Variants in PDE8A observed in about 807,000 individuals in gnomAD.
The protein encoded by PDE8A is high affinity cAMP-specific and IBMX-insensitive 3',5'-cyclic phosphodiesterase 8A.
PDE8A carries 59 observed loss-of-function variants against 105.0 expected under a neutral mutation model. The observed-to-expected ratio is 0.56, with a 90% confidence interval of 0.46 to 0.70. The LOEUF (loss-of-function observed/expected upper bound fraction) is 0.70, where lower values mean the gene tolerates loss of function less well. Ranked by LOEUF, PDE8A falls within the 30% of genes least tolerant of loss-of-function variation. The pLI is 0.00. For synonymous variants in PDE8A, 355 were observed against 371.9 expected (o/e 0.95, Z 0.52); for missense variants, 1,014 against 1,045.9 (o/e 0.97, Z 0.42).
chr15:85,050,208 A>T (rs970097900), intron 1 of PDE8A, among the ~76,000 whole-genome samples: 2 of 152,100 alleles, frequency 1.3e-5, no homozygotes, highest in African/African-American at 4.8e-5. Flanking sequence ...TATATTGTAG[A>T]TATTACTCTC....
intron 1 of PDE8A, among the ~76,000 whole-genome samples, chr15:85,056,546 C>G (rs2081062812): frequency 6.6e-6 from 1 of 152,142 alleles, no homozygotes; most frequent in Non-Finnish European, 1.5e-5. Flanking sequence ...CTTCTCACTT[C>G]ATTTCATTCA....
At chr15:85,054,008 T>C (rs971822299) in intron 1 of PDE8A, among the ~76,000 whole-genome samples, 20 of 95,236 alleles carry the variant, frequency 2.1e-4, no homozygotes, top group African/African-American at 5.8e-4. Context: ...ACCTAGTTTA[T>C]CGAGAGTTTT....
At chr15:85,078,157 AAAAG>A (rs1394059641) in intron 5 of PDE8A, among the ~76,000 whole-genome samples, 1 of 152,002 alleles carries the variant, frequency 6.6e-6, no homozygotes, top group Non-Finnish European at 1.5e-5. Flanking sequence ...AAAAAAAAAA[AAAAG>A]AAAAGGACTT....
At position 85,122,168 on chromosome 15, in the gene PDE8A, G is replaced by T. The variant is rs560366423; in HGVS notation, c.1953-893G>T. On this transcript the variant is annotated intron_variant, in intron 18 of 21. Transcript: ENST00000394553. ...TAATTATTCAATCCCAGATTTCTTC[G>T]TAGCACGTATCACATTTCTTATTTA... 3.3e-5 allele frequency among the ~76,000 whole-genome samples: 5 copies of T among 151,972 alleles called. No individual in the cohort carries two copies. In the South Asian group the frequency reaches 1.0e-3, roughly 32 times the overall value.
intron 1 of PDE8A, among the ~76,000 whole-genome samples, chr15:84,997,618 G>C (rs1213688398): frequency 2.0e-5 from 3 of 151,800 alleles, no homozygotes; most frequent in Admixed American, 1.3e-4. Context: ...TTGAGACAGA[G>C]TTTTGCTCTC....
chr15:85,101,828 C>G (rs1036090906), intron 11 of PDE8A, among the ~76,000 whole-genome samples: 86 of 152,054 alleles, frequency 5.7e-4, no homozygotes, highest in African/African-American at 2.0e-3. Context: ...TGTTTCTGAG[C>G]CTGGAGATTC....
At chr15:85,012,229 C>T (rs2080250529) in intron 1 of PDE8A, among the ~76,000 whole-genome samples, 1 of 152,142 alleles carries the variant, frequency 6.6e-6, no homozygotes, top group African/African-American at 2.4e-5. Flanking sequence ...AATCATGCTG[C>T]TATAAAGACA....
At chr15:85,043,482 C>G (rs1195454188) in intron 1 of PDE8A, among the ~76,000 whole-genome samples, 1 of 152,148 alleles carries the variant, frequency 6.6e-6, no homozygotes, top group African/African-American at 2.4e-5. Flanking sequence ...TGAAGAAGAT[C>G]TCGGATTGGG....
At chr15:85,061,327 A>G (rs937431771) in intron 1 of PDE8A, among the ~76,000 whole-genome samples, 1 of 151,926 alleles carries the variant, frequency 6.6e-6, no homozygotes, top group Non-Finnish European at 1.5e-5. Flanking sequence ...TCTGCCTCCC[A>G]GGTTCAAGCA....
chr15:85,073,555 C>A (rs1054134864), intron 3 of PDE8A, among the ~76,000 whole-genome samples: 3 of 152,192 alleles, frequency 2.0e-5, no homozygotes, highest in Non-Finnish European at 4.4e-5. Flanking sequence ...TGCCTACTTG[C>A]CATTACATCA....
At chr15:85,127,229 T>A (rs754833428) in intron 20 of PDE8A, among the ~76,000 whole-genome samples, 7 of 152,190 alleles carry the variant, frequency 4.6e-5, no homozygotes, top group Non-Finnish European at 1.0e-4. Flanking sequence ...TTATATTTAA[T>A]GGCATGAGAT....
chr15:85,040,522 T>C (rs1216908038), intron 1 of PDE8A, among the ~76,000 whole-genome samples: 2 of 152,018 alleles, frequency 1.3e-5, no homozygotes, highest in African/African-American at 4.8e-5. Context: ...GTTTTGTTTT[T>C]CTGTGTTCAT....
At position 85,113,888 on chromosome 15, in the gene PDE8A, A is replaced by T; in HGVS notation, c.1201A>T (p.Asn401Tyr). The T allele has an allele frequency of 6.2e-7, 1 of 1,611,406 alleles. No individual in the cohort carries two copies. Among genetic ancestry groups the T allele is most frequent in the Non-Finnish European group, 8.5e-7 (1 of 1,178,642 alleles). Residue 401 changes from asparagine (N) to tyrosine (Y), a missense_variant, in exon 14 of 22, where the codon AAT becomes TAT. Asn to Tyr is a moderately radical substitution (Grantham distance 143). Transcript: ENST00000394553. ...APITKVINII[N>Y]AAQESSPMPV... ...CATAATGTAGGTAATCAATATTATCAATGCTGCCCAGGAAAGTAGTCCCAT... is the reference window on the plus strand; with the variant it reads ...CATAATGTAGGTAATCAATATTATCTATGCTGCCCAGGAAAGTAGTCCCAT...
At chr15:85,022,609 C>T (rs560661559) in intron 1 of PDE8A, among the ~76,000 whole-genome samples, 9 of 150,064 alleles carry the variant, frequency 6.0e-5, no homozygotes, top group African/African-American at 1.7e-4. Context: ...GGTGCAGTGG[C>T]GTGATCTCAG....
At chr15:85,133,182 C>G (rs1001912700) in intron 20 of PDE8A, among the ~76,000 whole-genome samples, 2 of 152,164 alleles carry the variant, frequency 1.3e-5, no homozygotes, top group African/African-American at 4.8e-5. Flanking sequence ...TTTCAGATGT[C>G]TTAATTTCCT....
At chr15:85,106,261 C>T (rs940239228) in intron 11 of PDE8A, among the ~76,000 whole-genome samples, 15 of 152,062 alleles carry the variant, frequency 9.9e-5, no homozygotes, top group Admixed American at 6.6e-5. Flanking sequence ...AAGACTCCAT[C>T]CATCTCCTTT....
intron 1 of PDE8A, among the ~76,000 whole-genome samples, chr15:85,028,308 G>C (rs1254073724): frequency 2.0e-5 from 3 of 152,108 alleles, no homozygotes; most frequent in Non-Finnish European, 1.5e-5. Flanking sequence ...TGGAACTCCT[G>C]GGCTCAAATG....
At chr15:85,003,595 T>C (rs1202126439) in intron 1 of PDE8A, among the ~76,000 whole-genome samples, 1 of 152,240 alleles carries the variant, frequency 6.6e-6, no homozygotes, top group Non-Finnish European at 1.5e-5. Context: ...GAATTAATAC[T>C]ACTTTTATAT....
At chr15:85,057,162 C>T (rs762319945) in intron 1 of PDE8A, among the ~76,000 whole-genome samples, 1 of 152,102 alleles carries the variant, frequency 6.6e-6, no homozygotes, top group African/African-American at 2.4e-5. Context: ...GCCTGATCAT[C>T]CCCTGGAAGC....
Sources: allele counts gnomAD v4.1 joint callset (sites outside exome capture counted in the v4.1 genomes callset), GRCh38; gene constraint gnomAD v4.1.1; transcripts MANE v1.5; gene names NCBI Gene and HGNC (gene_info 2026-07-23, HGNC 2026-07-21).